Variants in USP6NL observed in about 807,000 individuals in gnomAD.
USP6NL encodes the protein USP6 N-terminal-like protein.
A neutral mutation model predicts 61.9 loss-of-function variants in USP6NL; 26 were observed. That is an observed-to-expected ratio of 0.42 (90% CI 0.31 to 0.58). The LOEUF is 0.58. USP6NL is among the 20% of genes least tolerant of loss of function. The pLI, the probability that USP6NL is intolerant of heterozygous loss-of-function variation, is 0.16. For synonymous variants in USP6NL, 432 were observed against 390.1 expected (o/e 1.11, Z -1.27); for missense variants, 1,114 against 1,034.3 (o/e 1.08, Z -1.06).
intron 2 of USP6NL, chr10:11,573,431 G>A (rs1837431076): frequency 2.6e-6 from 1 of 386,098 alleles, no homozygotes; most frequent in Non-Finnish European, 4.6e-6. Context: ...CAGTAATAAT[G>A]AGGCATGTTA....
rs11257118 is a variant in USP6NL, at chr10:11,478,612, G to A, written c.1078+3158C>T. On this transcript the variant is annotated intron_variant, in intron 14 of 14. Transcript: ENST00000609104. This position sits in a 1 kb window ranked among gnomAD's most constrained non-coding sequence, Gnocchi z 6.8. ...TAATGAGGGGACATTTGCCCTAATA[G>A]ATATGCAAAGTGTAACTGGAGGCCG... Among the ~76,000 whole-genome samples, 14,183 of 152,136 alleles carry A rather than the reference G, an allele frequency of 0.093. 737 individuals are homozygous for A. The highest frequency in any genetic ancestry group is 0.19 in the South Asian group (931 of 4,808).
Position 11,497,275 on chromosome 10 carries a change from G to A in USP6NL, c.384+3826C>T, listed in dbSNP as rs550570203. On this transcript the variant is annotated intron_variant, in intron 7 of 14. Transcript: ENST00000609104. ...ATGTGAAAAAAAATAACCGGGCATG[G>A]TGGCGGGCACCTGTAGTCCCAGCTA... Among the ~76,000 whole-genome samples the A allele has an allele frequency of 4.2e-4, 63 of 151,658 alleles. 1 individual carries two copies. The South Asian group carries it at 0.011, about 26-fold the overall frequency.
intron 2 of USP6NL, among the ~76,000 whole-genome samples, chr10:11,594,758 G>C (rs992398913): frequency 1.3e-5 from 2 of 152,130 alleles, no homozygotes; most frequent in African/African-American, 4.8e-5. Context: ...AATAGCTCCT[G>C]CATACTAAGG....
intron 14 of USP6NL, among the ~76,000 whole-genome samples, chr10:11,466,722 A>G (rs910295514): frequency 2.6e-5 from 4 of 152,202 alleles, no homozygotes; most frequent in African/African-American, 9.7e-5. Flanking sequence ...GTGCACTAAT[A>G]CAAACCTAGA....
chr10:11,579,683 A>C (rs1429788426), intron 2 of USP6NL, among the ~76,000 whole-genome samples: 1 of 152,164 alleles, frequency 6.6e-6, no homozygotes, highest in African/African-American at 2.4e-5. Flanking sequence ...TACATACCTA[A>C]ATCTATCAGA....
intron 2 of USP6NL, among the ~76,000 whole-genome samples, chr10:11,541,662 A>C (rs1288932529): frequency 4.6e-5 from 7 of 152,186 alleles, no homozygotes. Flanking sequence ...AGTGTTTTTC[A>C]CTGTGAGACA....
chr10:11,580,003 C>G (rs978024550), intron 2 of USP6NL, among the ~76,000 whole-genome samples: 9 of 145,704 alleles, frequency 6.2e-5, no homozygotes, highest in African/African-American at 2.3e-4. Flanking sequence ...TTTTGATAGT[C>G]ACAACAGGAG....
Position 11,598,110 on chromosome 10 carries a change from A to G in USP6NL, c.-83-393T>C, listed in dbSNP as rs951298479. Among the ~76,000 whole-genome samples the G allele has an allele frequency of 1.3e-5, 2 of 152,184 alleles. No homozygotes were observed. Among genetic ancestry groups the G allele is most frequent in the Non-Finnish European group, 2.9e-5 (2 of 68,024 alleles). On this transcript the variant is annotated intron_variant, in intron 1 of 14. Coordinates refer to ENST00000609104, the MANE Select transcript of USP6NL (RefSeq NM_014688.5). This position sits in a 1 kb window ranked among gnomAD's most constrained non-coding sequence, Gnocchi z 4.7. ...GCTGAGTATATTTTGACTGCACATA[A>G]ATGATTAATGTAAGACTTCAAATAA... is the stretch of plus-strand genomic sequence containing the variant.
chr10:11,529,414 T>C (rs759200922), intron 2 of USP6NL, among the ~76,000 whole-genome samples: 1 of 152,250 alleles, frequency 6.6e-6, no homozygotes, highest in Non-Finnish European at 1.5e-5. Flanking sequence ...CCAGCACTAC[T>C]GCTTCTACAG....
Position 11,586,515 on chromosome 10 carries a change from G to A in USP6NL, c.4+11116C>T, listed in dbSNP as rs117317165. Among the ~76,000 whole-genome samples, 8 of 151,858 alleles carry A rather than the reference G, an allele frequency of 5.3e-5. No homozygotes were observed. The South Asian group carries it at 1.0e-3, about 20-fold the overall frequency. ...GAAATCTGTTTTAAATACAATTAAT[G>A]TTAGAAATCCAAACATAAAATTGCA... On this transcript the variant is annotated intron_variant, in intron 2 of 14. Coordinates refer to ENST00000609104, the MANE Select transcript of USP6NL (RefSeq NM_014688.5).
Position 11,518,512 on chromosome 10 carries a change from A to T in USP6NL, c.195+23T>A, listed in dbSNP as rs149876511. 6.9e-4 allele frequency: 1,115 copies of T among 1,608,020 alleles called. 6 individuals carry two copies. The highest frequency in any genetic ancestry group is 6.8e-3 in the African/African-American group (511 of 74,828). ...TAAAGGCAATTCACCAGTAACTGTA[A>T]ATACATCAAGAGCAGGACTTACCCG... On this transcript the variant is annotated intron_variant, in intron 5 of 14. Transcript: ENST00000609104. This position sits in a 1 kb window ranked among gnomAD's most constrained non-coding sequence, Gnocchi z 5.3.
intron 2 of USP6NL, chr10:11,563,245 C>T (rs1178003199): frequency 6.6e-6 from 1 of 152,044 alleles, no homozygotes; most frequent in Non-Finnish European, 1.5e-5. Flanking sequence ...AGATGGAGAA[C>T]AAATTCATTG....
At chr10:11,577,939 T>A (rs557877802) in intron 2 of USP6NL, among the ~76,000 whole-genome samples, 4 of 120,212 alleles carry the variant, frequency 3.3e-5, no homozygotes, top group Non-Finnish European at 8.1e-5. Context: ...GAAAAAAAAA[T>A]ACAGGTGATG....
intron 2 of USP6NL, among the ~76,000 whole-genome samples, chr10:11,545,770 T>C (rs1267522765): frequency 6.6e-6 from 1 of 152,254 alleles, no homozygotes; most frequent in Non-Finnish European, 1.5e-5. Flanking sequence ...GAATGTCTTG[T>C]AGGACTTTCA....
intron 3 of USP6NL, among the ~76,000 whole-genome samples, chr10:11,526,714 C>T (rs1335840629): frequency 4.6e-5 from 7 of 152,252 alleles, no homozygotes; most frequent in Admixed American, 2.0e-4. Context: ...TACATAATTA[C>T]AAGCAAGTGA....
rs548921917 is a variant in USP6NL at position 11,600,738 on chromosome 10, G to A, written c.-83-3021C>T. Among the ~76,000 whole-genome samples, 3 of 152,184 alleles carry A rather than the reference G, an allele frequency of 2.0e-5. No individual in the cohort carries two copies. The highest frequency in any genetic ancestry group is 4.4e-5 in the Non-Finnish European group (3 of 68,022). On this transcript the variant is annotated intron_variant, in intron 1 of 14. Coordinates refer to ENST00000609104, the MANE Select transcript of USP6NL (RefSeq NM_014688.5). This position sits in a 1 kb window ranked among gnomAD's most constrained non-coding sequence, Gnocchi z 4.1. ...TAATCCCAGCACTTTGGGAGGCCGAGGCGGGTGGATCACGAGGTCAGGAGT... is the reference window on the plus strand; with the variant it reads ...TAATCCCAGCACTTTGGGAGGCCGAAGCGGGTGGATCACGAGGTCAGGAGT...
chr10:11,530,318 T>C (rs964150595), intron 2 of USP6NL, among the ~76,000 whole-genome samples: 2 of 152,048 alleles, frequency 1.3e-5, no homozygotes, highest in Admixed American at 6.5e-5. Flanking sequence ...AACATAACAA[T>C]GGAAAGTTTA....
chr10:11,588,889 C>G (rs1838067418), intron 2 of USP6NL, among the ~76,000 whole-genome samples: 1 of 152,102 alleles, frequency 6.6e-6, no homozygotes, highest in African/African-American at 2.4e-5. Context: ...TTTGGATATC[C>G]AGATAGTAGA....
At position 11,461,823 on chromosome 10, in the gene USP6NL, G is replaced by C. The variant is rs184480279; in HGVS notation, c.*618C>G. On this transcript the variant is annotated 3_prime_UTR_variant, in exon 15 of 15. Coordinates refer to ENST00000609104, the MANE Select transcript of USP6NL (RefSeq NM_014688.5). ...AAGGAGAATGATGAGCATTCTGTGAGACTGCAATTAATAAAGTCAGGACAA... is the reference window on the plus strand; with the variant it reads ...AAGGAGAATGATGAGCATTCTGTGACACTGCAATTAATAAAGTCAGGACAA... 9 of 152,328 alleles carry C rather than the reference G, an allele frequency of 5.9e-5. No individual in the cohort carries two copies. The East Asian group carries it at 1.7e-3, about 29-fold the overall frequency. 9.4% of individuals were successfully genotyped at this position (152,328 alleles called of 1,614,324 possible).
Sources: allele counts gnomAD v4.1 joint callset (sites outside exome capture counted in the v4.1 genomes callset), GRCh38; gene constraint gnomAD v4.1.1; non-coding constraint Gnocchi (gnomAD v3.1); transcripts MANE v1.5; gene names NCBI Gene and HGNC (gene_info 2026-07-23, HGNC 2026-07-21).